Variants in MYOM2 observed in about 807,000 individuals in gnomAD.
MYOM2 encodes myomesin-2.
In MYOM2, 254 loss-of-function variants were observed where a neutral mutation model predicts 187.6. The observed-to-expected ratio is 1.35, with a 90% CI of 1.22 to 1.50. MYOM2 has a LOEUF of 1.50. Among genes scored for constraint, MYOM2 ranks in the 40% most tolerant of loss-of-function variants. The pLI, the probability that MYOM2 is intolerant of heterozygous loss-of-function variation, is 0.00. For missense variants in MYOM2, 2,796 were observed against 1,924.0 expected, an observed-to-expected ratio of 1.45 and a Z score of -8.48; for synonymous variants, 981 against 753.8, an observed-to-expected ratio of 1.30 and a Z score of -4.94.
At chr8:2,069,567 G>A (rs1424238292) in intron 8 of MYOM2, 70 bp downstream of exon 8, 4 of 1,573,472 alleles carry the variant, frequency 2.5e-6, no homozygotes, top group Non-Finnish European at 3.5e-6. Context: ...TTGAAAACAT[G>A]GTTTCCTAAG....
chr8:2,093,937 G>T, intron 16 of MYOM2, 33 bp from the exon 17 acceptor site: 1 of 1,606,240 alleles, frequency 6.2e-7, no homozygotes, highest in Non-Finnish European at 8.5e-7. Flanking sequence ...AGTGGAGCCT[G>T]GCAGTTCTGA....
intron 2 of MYOM2, 69 bp downstream of exon 2, chr8:2,050,942 C>G: frequency 8.0e-7 from 1 of 1,249,150 alleles, no homozygotes; most frequent in South Asian, 1.3e-5. Flanking sequence ...AAAGGCTTTT[C>G]CAGTTCCGTC....
At chr8:2,061,490 G>T (rs770263353) in intron 6 of MYOM2, among the ~76,000 whole-genome samples, 2 of 152,188 alleles carry the variant, frequency 1.3e-5, no homozygotes, top group Admixed American at 1.3e-4. Flanking sequence ...TCCTGTTCCC[G>T]ACTCTACCTG....
chr8:2,068,708 G>A (rs1442798588), intron 6 of MYOM2, among the ~76,000 whole-genome samples: 2 of 152,220 alleles, frequency 1.3e-5, no homozygotes, highest in Non-Finnish European at 2.9e-5. Flanking sequence ...GCATGGGATG[G>A]ACTGCCCCAT....
intron 32 of MYOM2, among the ~76,000 whole-genome samples, chr8:2,134,772 G>T (rs1289520722): frequency 2.0e-5 from 3 of 152,040 alleles, no homozygotes; most frequent in Non-Finnish European, 4.4e-5. Context: ...GCTTTTTCCA[G>T]TGTGTGTGCC....
intron 13 of MYOM2, among the ~76,000 whole-genome samples, chr8:2,083,346 T>G (rs1261530599): frequency 6.6e-6 from 1 of 152,204 alleles, no homozygotes; most frequent in Non-Finnish European, 1.5e-5. Flanking sequence ...CTTAGCGGTA[T>G]CTTATGTGTG....
intron 17 of MYOM2, among the ~76,000 whole-genome samples, chr8:2,095,955 A>G (rs1381080015): frequency 6.6e-6 from 1 of 152,218 alleles, no homozygotes; most frequent in East Asian, 1.9e-4. Flanking sequence ...TGCTGTGTCA[A>G]ATGTTCATAC....
At chr8:2,050,964 G>C (rs1230904929) in intron 2 of MYOM2, 91 bp downstream of exon 2, 2 of 1,021,430 alleles carry the variant, frequency 2.0e-6, no homozygotes, top group Non-Finnish European at 2.9e-6. Context: ...GCCCTGGAGA[G>C]GCACTGGTTT....
chr8:2,077,636 C>T (rs550558249), intron 11 of MYOM2, among the ~76,000 whole-genome samples: 4 of 152,246 alleles, frequency 2.6e-5, no homozygotes, highest in East Asian at 1.9e-4. Flanking sequence ...ACCCTCAAAA[C>T]GATCTTCTTT....
intron 8 of MYOM2, among the ~76,000 whole-genome samples, chr8:2,071,985 G>A (rs1221123093): frequency 1.3e-5 from 2 of 152,140 alleles, no homozygotes; most frequent in African/African-American, 4.8e-5. Context: ...GTCCCATTGA[G>A]GGTCAGGGAT....
In MYOM2 at chr8:2,117,930, G is replaced by A; in HGVS notation, c.3431G>A (p.Cys1144Tyr). Residue 1144 changes from cysteine to tyrosine, a missense_variant, in exon 28 of 37, where the codon TGT becomes TAT. By Grantham distance (194) the Cys-to-Tyr change is radical. Coordinates refer to ENST00000262113, the MANE Select transcript of MYOM2 (RefSeq NM_003970.4). ...TTGCACTGGGATGTCACGGAAGAAT[G>A]TGAAGTTCGACTTGTTTGCAAGGTG... ...EYLHWDVTEECEVRLVCKVAN... is the reference protein window; with the variant it reads ...EYLHWDVTEEYEVRLVCKVAN... 6.2e-7 allele frequency: 1 copy of A among 1,613,164 alleles called. No individual in the cohort carries two copies. The highest frequency in any genetic ancestry group is 8.5e-7 in the Non-Finnish European group (1 of 1,179,574).
intron 11 of MYOM2, 134 bp downstream of exon 11, chr8:2,076,416 G>T (rs1245779414): frequency 2.6e-6 from 3 of 1,167,104 alleles, no homozygotes; most frequent in African/African-American, 3.2e-5. Context: ...ATGGCTAATT[G>T]GTTGTATAAG....
chr8:2,083,062 C>A lies in MYOM2; in HGVS notation c.1517-2201C>A, dbSNP rs192816564. Among the ~76,000 whole-genome samples, 64 of 152,302 alleles carry A rather than the reference C, an allele frequency of 4.2e-4. 1 individual carries two copies. The highest frequency in any genetic ancestry group is 1.4e-3 in the African/African-American group (59 of 41,572). On this transcript the variant is annotated intron_variant, in intron 13 of 36. Coordinates refer to ENST00000262113, the MANE Select transcript of MYOM2 (RefSeq NM_003970.4). ...TTTAAGTGGAGGAAACCAATAGTATCTTCCTCCACACATGAACAGAACCCA... is the reference window on the plus strand; with the variant it reads ...TTTAAGTGGAGGAAACCAATAGTATATTCCTCCACACATGAACAGAACCCA...
chr8:2,109,469 C>T lies in MYOM2; in HGVS notation c.3118C>T (p.His1040Tyr). The change falls in exon 25 of 37, where the codon CAC (histidine) becomes TAC (tyrosine). Residue 1040 changes from histidine to tyrosine, a missense_variant. His to Tyr is a moderately conservative substitution (Grantham distance 83). Transcript: ENST00000262113. ...GGTTCGCTTCTGGCTCCAGGCTGAG[C>T]ACTTATCACCAGATGCCAGCTACCG... Reference protein sequence around the residue: ...GRVRFWLQAEHLSPDASYRFI... With the variant: ...GRVRFWLQAEYLSPDASYRFI... 2 of 1,613,330 alleles carry T rather than the reference C, an allele frequency of 1.2e-6. No individual in the cohort carries two copies. Among genetic ancestry groups the T allele is most frequent in the Non-Finnish European group, 1.7e-6 (2 of 1,179,640 alleles).
chr8:2,046,518 G>C (rs1818316473), intron 1 of MYOM2, among the ~76,000 whole-genome samples: 1 of 151,990 alleles, frequency 6.6e-6, no homozygotes, highest in South Asian at 2.1e-4. Flanking sequence ...TGTGCTAACA[G>C]TACAGCGTGG....
Position 2,096,883 on chromosome 8 carries a change from G to C in MYOM2, c.2313+449G>C, listed in dbSNP as rs114969201. Among the ~76,000 whole-genome samples the C allele has an allele frequency of 7.6e-4, 115 of 152,266 alleles. 1 individual carries two copies. The highest frequency in any genetic ancestry group is 2.6e-3 in the African/African-American group (108 of 41,530). The stretch of plus-strand genomic sequence containing the variant: ...ACATTCTTGTATTTCAGGCCTCCCA[G>C]AGAGTCCCTTGCCTCAGTGCCCCTG... On this transcript the variant is annotated intron_variant, in intron 18 of 36. Transcript: ENST00000262113.
intron 8 of MYOM2, among the ~76,000 whole-genome samples, chr8:2,070,668 G>C (rs1286353392): frequency 6.6e-6 from 1 of 152,226 alleles, no homozygotes; most frequent in Non-Finnish European, 1.5e-5. Flanking sequence ...CTGTGGCGCA[G>C]TTACAGCATA....
Position 2,069,306 on chromosome 8 carries a change from T to C in MYOM2, c.682T>C (p.Ser228Pro). The C allele has an allele frequency of 1.2e-6, 2 of 1,613,558 alleles. No homozygotes were observed. Among genetic ancestry groups the C allele is most frequent in the Non-Finnish European group, 1.7e-6 (2 of 1,179,860 alleles). ...AGACTTTGACGACACTGCGACATACTCAGCAGTGGCCACCAATGCCCACGG... is the reference window on the plus strand; with the variant it reads ...AGACTTTGACGACACTGCGACATACCCAGCAGTGGCCACCAATGCCCACGG... ...RADFDDTATY[S>P]AVATNAHGQV... The change falls in exon 7 of 37, where the codon TCA becomes CCA. Residue 228 changes from serine (S) to proline (P), a missense_variant. Transcript: ENST00000262113.
rs112885853 is a variant in MYOM2, at chr8:2,085,102, C to G, written c.1517-161C>G. On this transcript the variant is annotated intron_variant, in intron 13 of 36. Transcript: ENST00000262113. ...GGCTGATCTTTATTGGTGCCTTATCCTCTGGTTCCAAGGAAGCATCTTTGG... is the reference window on the plus strand; with the variant it reads ...GGCTGATCTTTATTGGTGCCTTATCGTCTGGTTCCAAGGAAGCATCTTTGG... 3,034 of 757,056 alleles carry G rather than the reference C, an allele frequency of 4.0e-3. 69 individuals are homozygous for G. The African/African-American group carries it at 0.048, about 12-fold the overall frequency. 46.9% of individuals were successfully genotyped at this position (757,056 alleles called of 1,614,324 possible). A position where few individuals can be genotyped will look rare whatever the true frequency, so the allele number is the denominator to read the frequency against.
Sources: gnomAD v4.1 joint callset for allele counts (sites outside exome capture counted in the v4.1 genomes callset) on GRCh38, gnomAD v4.1.1 for gene constraint, MANE v1.5 for transcripts, NCBI Gene and HGNC (gene_info 2026-07-23, HGNC 2026-07-21) for gene names.